Variants in TCERG1 observed in about 807,000 individuals in gnomAD.
TCERG1 encodes TATA box binding protein (TBP)-associated factor, RNA polymerase II, S, 150kD.
Under a neutral mutation model 144.7 loss-of-function variants are expected in TCERG1, and 37 were observed. That is an observed-to-expected ratio of 0.26 (90% CI 0.20 to 0.34). The LOEUF (loss-of-function observed/expected upper bound fraction) is 0.34, where lower values mean the gene tolerates loss of function less well. TCERG1 is among the 10% of genes least tolerant of loss of function. The probability of loss-of-function intolerance (pLI) is 1.00; values close to 1 mark genes in which losing one functional copy is unlikely to be tolerated. For missense variants in TCERG1, 1,027 were observed against 1,380.7 expected, an observed-to-expected ratio of 0.74 and a Z score of 4.06; for synonymous variants, 492 against 458.2, an observed-to-expected ratio of 1.07 and a Z score of -0.94.
chr5:146,499,370 T>C (rs1047699357), intron 17 of TCERG1, among the ~76,000 whole-genome samples: 2 of 152,230 alleles, frequency 1.3e-5, no homozygotes, highest in African/African-American at 2.4e-5. Flanking sequence ...CAGAAAGTTA[T>C]AATATTACAA....
chr5:146,474,804 G>A (rs560240929), intron 9 of TCERG1, among the ~76,000 whole-genome samples: 4 of 152,094 alleles, frequency 2.6e-5, no homozygotes, highest in Non-Finnish European at 4.4e-5. Flanking sequence ...TTAAATTATA[G>A]TATGTACATT....
Position 146,457,165 on chromosome 5 carries a change from GT to G in TCERG1, c.286-13del. 1 of 1,609,046 alleles carries G rather than the reference GT, an allele frequency of 6.2e-7. No homozygotes were observed. The highest frequency in any genetic ancestry group is 8.5e-7 in the Non-Finnish European group (1 of 1,177,606). ...AAAAGTAATTAAAGTGACCATTACT[GT>G]TTTTGTGAATTAACAGAGACCACCT... On this transcript the variant is annotated splice_polypyrimidine_tract_variant and intron_variant, in intron 2 of 22. Coordinates refer to ENST00000679501, the MANE Select transcript of TCERG1 (RefSeq NM_001382548.1).
Position 146,507,093 on chromosome 5 carries a change from A to G in TCERG1, c.2847A>G (p.Glu949=). ...RRTLRKDHRW[E]SGSLLEREEK... ...CCCTCCGAAAAGATCACCGCTGGGA[A>G]TCTGGATCCTTATTGGAAAGAGAGG... The change falls in exon 20 of 23, where the codon GAA becomes GAG. Residue 949 remains glutamate (E), a synonymous_variant. Coordinates refer to ENST00000679501, the MANE Select transcript of TCERG1 (RefSeq NM_001382548.1). The surrounding 1 kb of genome is among the most constrained non-coding windows in gnomAD (Gnocchi z 4.6). 1.2e-6 allele frequency: 2 copies of G among 1,613,714 alleles called. No homozygotes were observed. Among genetic ancestry groups the G allele is most frequent in the Non-Finnish European group, 1.7e-6 (2 of 1,179,826 alleles).
intron 1 of TCERG1, among the ~76,000 whole-genome samples, chr5:146,454,743 G>A (rs1473457301): frequency 1.3e-5 from 2 of 152,070 alleles, no homozygotes; most frequent in African/African-American, 2.4e-5. Flanking sequence ...ACTTACAGGC[G>A]TGCGCCTCCA....
intron 17 of TCERG1, 145 bp from the exon 18 acceptor site, chr5:146,503,230 A>C (rs552438782): frequency 2.5e-4 from 159 of 645,918 alleles, no homozygotes; most frequent in African/African-American, 2.4e-3. Context: ...CTGTAATTCT[A>C]CTCTAAATGC....
In TCERG1 at chr5:146,470,626, T is replaced by G. The variant is rs768940732; in HGVS notation, c.1400-10T>G. On this transcript the variant is annotated splice_polypyrimidine_tract_variant and intron_variant, in intron 7 of 22. Transcript: ENST00000679501. Reference sequence around the variant, plus strand: ...ACCTTTGAGTGACATTATCTTAATTTTTTTCATAGAAAAGTTAGAAGAGAA... The same window carrying G: ...ACCTTTGAGTGACATTATCTTAATTGTTTTCATAGAAAAGTTAGAAGAGAA... The G allele has an allele frequency of 1.3e-6, 2 of 1,588,828 alleles. No homozygotes were observed. Among genetic ancestry groups the G allele is most frequent in the Non-Finnish European group, 1.7e-6 (2 of 1,172,646 alleles).
At chr5:146,466,927 T>C (rs1241737328) in intron 5 of TCERG1, among the ~76,000 whole-genome samples, 1 of 152,216 alleles carries the variant, frequency 6.6e-6, no homozygotes, top group African/African-American at 2.4e-5. Context: ...CTGTGCTGAG[T>C]TTAGTAGGTT....
rs375711910 is a variant in TCERG1, at chr5:146,498,548, T to C, written c.2295T>C (p.Ser765=). The C allele has an allele frequency of 6.2e-7, 1 of 1,604,852 alleles. No individual in the cohort carries two copies. The highest frequency in any genetic ancestry group is 1.3e-5 in the African/African-American group (1 of 74,222). ...AATTTTGTTACAGAGCAACTTTTAG[T>C]GAATTTGCAGCCAAGCATGCTAAAG... ...EAKFNPRATF[S]EFAAKHAKDS... Residue 765 remains serine, a synonymous_variant, in exon 17 of 23, where the codon AGT becomes AGC. Coordinates refer to ENST00000679501, the MANE Select transcript of TCERG1 (RefSeq NM_001382548.1).
intron 19 of TCERG1, among the ~76,000 whole-genome samples, chr5:146,504,995 G>A (rs1767821064): frequency 6.6e-6 from 1 of 151,264 alleles, no homozygotes; most frequent in African/African-American, 2.4e-5. Context: ...GCCGTGAGCC[G>A]AGATCGCGCC....
chr5:146,464,164 C>T (rs1763577659), intron 5 of TCERG1, among the ~76,000 whole-genome samples: 1 of 152,182 alleles, frequency 6.6e-6, no homozygotes, highest in South Asian at 2.1e-4. Flanking sequence ...GATTTATATA[C>T]AGTGCACTGT....
intron 6 of TCERG1, 43 bp downstream of exon 6, chr5:146,468,446 G>C (rs531047299): frequency 6.4e-7 from 1 of 1,568,112 alleles, no homozygotes; most frequent in Admixed American, 1.8e-5. Context: ...CTGTAAGTTG[G>C]CATGGTAGTG....
intron 13 of TCERG1, chr5:146,482,098 G>A (rs1275094553): frequency 6.6e-6 from 1 of 152,104 alleles, no homozygotes; most frequent in Non-Finnish European, 1.5e-5. Flanking sequence ...TAAAATGAAT[G>A]TTTGAGATTA....
At chr5:146,462,038 A>G (rs1763376643) in intron 4 of TCERG1, 1 of 152,654 alleles carries the variant, frequency 6.6e-6, no homozygotes. Flanking sequence ...TGCTAGACCA[A>G]CAATTCATTC....
chr5:146,498,813 A>G, intron 17 of TCERG1, 127 bp downstream of exon 17: 1 of 986,782 alleles, frequency 1.0e-6, no homozygotes, highest in Non-Finnish European at 1.4e-6. Context: ...TGTTCTTTTA[A>G]GTTAACTTTT....
At chr5:146,495,737 A>G (rs1766834189) in intron 16 of TCERG1, among the ~76,000 whole-genome samples, 1 of 151,494 alleles carries the variant, frequency 6.6e-6, no homozygotes, top group Admixed American at 6.6e-5. Context: ...CTATAACATA[A>G]TCTTTGTTTT....
chr5:146,483,008 A>AT (rs1384594296), intron 14 of TCERG1, among the ~76,000 whole-genome samples: 9 of 152,170 alleles, frequency 5.9e-5, no homozygotes, highest in African/African-American at 2.2e-4. Flanking sequence ...ACATTACAGA[A>AT]TGGCGGACTG....
At chr5:146,506,748 CTA>C (rs1768037577) in intron 19 of TCERG1, among the ~76,000 whole-genome samples, 1 of 152,130 alleles carries the variant, frequency 6.6e-6, no homozygotes, top group South Asian at 2.1e-4. Flanking sequence ...AAATGTGAGA[CTA>C]TGCAGTATTT....
chr5:146,471,868 A>G (rs1226196762), intron 9 of TCERG1, among the ~76,000 whole-genome samples: 1 of 152,162 alleles, frequency 6.6e-6, no homozygotes. Flanking sequence ...AAGTGCTGGG[A>G]TTACAGGTGT....
At chr5:146,454,829 C>T (rs886123338) in intron 1 of TCERG1, among the ~76,000 whole-genome samples, 4 of 152,280 alleles carry the variant, frequency 2.6e-5, no homozygotes, top group Middle Eastern at 3.4e-3. Flanking sequence ...AACTCCTGAC[C>T]TCAGGTGATC....
Sources: allele counts gnomAD v4.1 joint callset (sites outside exome capture counted in the v4.1 genomes callset), GRCh38; gene constraint gnomAD v4.1.1; non-coding constraint Gnocchi (gnomAD v3.1); transcripts MANE v1.5; gene names NCBI Gene and HGNC (gene_info 2026-07-23, HGNC 2026-07-21).